The following CDH8 variants were observed in gnomAD, a reference collection of about 807,000 sequenced individuals.
The protein encoded by CDH8 is cadherin 8.
A neutral mutation model predicts 68.1 loss-of-function variants in CDH8; 17 were observed. The ratio of observed to expected loss-of-function variants is 0.25; its 90% CI spans 0.17 to 0.37. CDH8 has a LOEUF of 0.37. CDH8 is among the 10% of genes least tolerant of loss of function. The probability of loss-of-function intolerance (pLI) is 1.00; values close to 1 mark genes in which losing one functional copy is unlikely to be tolerated. For missense variants in CDH8, 763 were observed against 999.3 expected, an observed-to-expected ratio of 0.76 and a Z score of 3.19; for synonymous variants, 372 against 365.1, an observed-to-expected ratio of 1.02 and a Z score of -0.21.
At chr16:62,028,190 G>GAGTAGCTGGGATTAGAGGC (rs1363434581) in intron 1 of CDH8, among the ~76,000 whole-genome samples, 4 of 149,394 alleles carry the variant, frequency 2.7e-5, no homozygotes, top group Non-Finnish European at 5.9e-5. Flanking sequence ...TCAGCCTCCT[G>GAGTAGCTGGGATTAGAGGC]AGTAGCTGGG....
intron 2 of CDH8, among the ~76,000 whole-genome samples, chr16:61,902,155 C>T (rs1309043677): frequency 1.3e-5 from 2 of 152,092 alleles, no homozygotes; most frequent in Admixed American, 6.5e-5. Context: ...TAGAGAAGAA[C>T]ACTGAGGCCA....
intron 8 of CDH8, among the ~76,000 whole-genome samples, chr16:61,775,089 T>C (rs949708532): frequency 6.6e-6 from 1 of 152,102 alleles, no homozygotes; most frequent in African/African-American, 2.4e-5. Context: ...GTCCTGATAG[T>C]GTGTTGGCCC....
At chr16:61,740,067 C>A (rs1173906657) in intron 8 of CDH8, among the ~76,000 whole-genome samples, 8 of 151,434 alleles carry the variant, frequency 5.3e-5, no homozygotes, top group African/African-American at 1.9e-4. Context: ...GCCACCACGC[C>A]CGGCTAATTT....
chr16:61,920,302 C>G (rs78786995), intron 2 of CDH8, among the ~76,000 whole-genome samples: 1 of 131,324 alleles, frequency 7.6e-6, no homozygotes, highest in Non-Finnish European at 1.6e-5. Flanking sequence ...AAACTACCAT[C>G]AGAGTGAACA....
rs933964915 is a variant in CDH8 at position 61,649,265 on chromosome 16, T to G, written c.*4343A>C. ...AATAAAAAGCTGCTTTTAAAACCCTTTACCCTCAATTCAACTTCTTTCAAA... is the reference window on the plus strand; with the variant it reads ...AATAAAAAGCTGCTTTTAAAACCCTGTACCCTCAATTCAACTTCTTTCAAA... On this transcript the variant is annotated 3_prime_UTR_variant, in exon 12 of 12. Transcript: ENST00000577390. 6.6e-6 allele frequency: 1 copy of G among 151,864 alleles called. No individual in the cohort carries two copies. Among genetic ancestry groups the G allele is most frequent in the African/African-American group, 2.4e-5 (1 of 41,392 alleles). The allele number at this position is 151,864 out of a possible 1,614,324, so 9.4% of individuals were successfully genotyped here.
At position 61,677,752 on chromosome 16, in the gene CDH8, A is replaced by C. The variant is rs554904121; in HGVS notation, c.1655-22031T>G. ...AATGTTCTGCTACTGTAAACAAAAAATAAAACTACAAGCCCCCTAACCACC... is the reference window on the plus strand; with the variant it reads ...AATGTTCTGCTACTGTAAACAAAAACTAAAACTACAAGCCCCCTAACCACC... On this transcript the variant is annotated intron_variant, in intron 10 of 11. Coordinates refer to ENST00000577390, the MANE Select transcript of CDH8 (RefSeq NM_001796.5). 2.4e-4 allele frequency among the ~76,000 whole-genome samples: 36 copies of C among 152,138 alleles called. No homozygotes were observed. In the South Asian group the frequency reaches 7.0e-3, roughly 30 times the overall value.
At chr16:61,817,862 C>G (rs1962116810) in intron 6 of CDH8, 130 bp from the exon 7 acceptor site, 2 of 747,668 alleles carry the variant, frequency 2.7e-6, no homozygotes, top group Admixed American at 6.3e-5. Flanking sequence ...GGATCACTCT[C>G]CAGTCCCCCA....
intron 8 of CDH8, among the ~76,000 whole-genome samples, chr16:61,728,573 T>C (rs1184307696): frequency 1.3e-5 from 2 of 151,152 alleles, no homozygotes; most frequent in Non-Finnish European, 3.0e-5. Flanking sequence ...TGCTCTTTCC[T>C]AGTTTTGATA....
chr16:62,029,757 GTC>G (rs992775604), intron 1 of CDH8, among the ~76,000 whole-genome samples: 5 of 152,288 alleles, frequency 3.3e-5, no homozygotes, highest in African/African-American at 9.6e-5. Context: ...CAAGTGGAAA[GTC>G]TCTACTAATT....
intron 8 of CDH8, among the ~76,000 whole-genome samples, chr16:61,752,066 G>A (rs9935387): frequency 0.32 from 48,828 of 151,922 alleles, 9,016 homozygotes; most frequent in African/African-American, 0.5. Flanking sequence ...AGGGGGAAGA[G>A]TTCATGAACA....
chr16:61,879,901 G>A (rs921131424), intron 3 of CDH8, among the ~76,000 whole-genome samples: 2 of 100,446 alleles, frequency 2.0e-5, no homozygotes, highest in African/African-American at 1.5e-4. Flanking sequence ...AGAATATGAG[G>A]TTTTTTGGGT....
At chr16:61,844,395 C>T (rs1012493503) in intron 4 of CDH8, among the ~76,000 whole-genome samples, 15 of 151,980 alleles carry the variant, frequency 9.9e-5, no homozygotes, top group Admixed American at 2.6e-4. Context: ...CAAACCTGCA[C>T]GTTGTGCACA....
chr16:61,990,737 T>C (rs1280344735), intron 2 of CDH8, among the ~76,000 whole-genome samples: 4 of 152,030 alleles, frequency 2.6e-5, no homozygotes, highest in Admixed American at 1.3e-4. Flanking sequence ...AGTGGGAGGA[T>C]TGCTCAAGCC....
At chr16:61,674,278 C>T (rs1361498242) in intron 10 of CDH8, among the ~76,000 whole-genome samples, 1 of 152,002 alleles carries the variant, frequency 6.6e-6, no homozygotes, top group Non-Finnish European at 1.5e-5. Flanking sequence ...CATGGTGAAA[C>T]TCCATCTCTA....
intron 7 of CDH8, among the ~76,000 whole-genome samples, chr16:61,807,422 C>T (rs1425685827): frequency 6.6e-6 from 1 of 151,702 alleles, no homozygotes; most frequent in African/African-American, 2.4e-5. Flanking sequence ...TGTATACATA[C>T]ATATGTAACT....
At chr16:61,871,353 T>C (rs549244444) in intron 3 of CDH8, among the ~76,000 whole-genome samples, 1 of 151,674 alleles carries the variant, frequency 6.6e-6, no homozygotes, top group Non-Finnish European at 1.5e-5. Flanking sequence ...CAGATTTTTT[T>C]TTTTTTTTAA....
At chr16:61,724,864 T>C (rs954977180) in intron 9 of CDH8, among the ~76,000 whole-genome samples, 4 of 150,764 alleles carry the variant, frequency 2.7e-5, no homozygotes, top group Non-Finnish European at 6.0e-5. Flanking sequence ...CAAATCCAAA[T>C]TTTGGTAAAT....
chr16:61,752,276 A>T (rs1241831172), intron 8 of CDH8, among the ~76,000 whole-genome samples: 1 of 152,200 alleles, frequency 6.6e-6, no homozygotes. Context: ...CAGAGACTCT[A>T]AAAGAAGGGC....
intron 8 of CDH8, among the ~76,000 whole-genome samples, chr16:61,736,279 A>C (rs967665267): frequency 6.6e-6 from 1 of 152,142 alleles, no homozygotes; most frequent in African/African-American, 2.4e-5. Context: ...GACTATCCTG[A>C]GATAAGGCCA....
Sources: gnomAD v4.1 joint callset for allele counts (sites outside exome capture counted in the v4.1 genomes callset) on GRCh38, gnomAD v4.1.1 for gene constraint, MANE v1.5 for transcripts, NCBI Gene and HGNC (gene_info 2026-07-23, HGNC 2026-07-21) for gene names.